Variants in CDC14A observed in about 807,000 individuals in gnomAD.
CDC14A encodes dual specificity protein phosphatase CDC14A.
A neutral mutation model predicts 74.4 loss-of-function variants in CDC14A; 53 were observed. The ratio of observed to expected loss-of-function variants is 0.71; its 90% CI spans 0.57 to 0.89. The LOEUF (loss-of-function observed/expected upper bound fraction) is 0.89, where lower values mean the gene tolerates loss of function less well. CDC14A is among the 40% of genes least tolerant of loss of function. The pLI is 0.00. For missense variants in CDC14A, 646 were observed against 713.7 expected (o/e 0.91, Z 1.08); for synonymous variants, 247 against 258.4 (o/e 0.96, Z 0.43).
intron 9 of CDC14A, among the ~76,000 whole-genome samples, chr1:100,464,608 A>C (rs1328483529): frequency 6.6e-6 from 1 of 152,040 alleles, no homozygotes; most frequent in Non-Finnish European, 1.5e-5. Flanking sequence ...TAAAAATTGT[A>C]TTTTTTCCTG....
In CDC14A at chr1:100,467,949, C is replaced by T; in HGVS notation, c.839-7C>T. On this transcript the variant is annotated splice_polypyrimidine_tract_variant and splice_region_variant and intron_variant, in intron 9 of 15. Transcript: ENST00000336454. ...TATATTTCTTATTCTGTTTCATTCTCTTACAGCTGGTCTTGGAAGAACAGG... is the reference window on the plus strand; with the variant it reads ...TATATTTCTTATTCTGTTTCATTCTTTTACAGCTGGTCTTGGAAGAACAGG... 1.3e-6 allele frequency: 2 copies of T among 1,582,778 alleles called. No homozygotes were observed. The highest frequency in any genetic ancestry group is 2.3e-5 in the South Asian group (2 of 85,342).
chr1:100,374,214 A>G (rs923400911), intron 2 of CDC14A, among the ~76,000 whole-genome samples: 2 of 152,174 alleles, frequency 1.3e-5, no homozygotes, highest in African/African-American at 4.8e-5. Context: ...ATTGTTGGAC[A>G]TTTGGGTTGG....
rs556185299 is a variant in CDC14A, at chr1:100,516,095, A to T, written c.1756-2156A>T. ...TGAGCCTAGATTAAACACCAGCCAG[A>T]GTTTTTGAGCTCTGTGGAAGTAAAG... On this transcript the variant is annotated intron_variant, in intron 15 of 15. Transcript: ENST00000336454. Among the ~76,000 whole-genome samples, 25 of 152,338 alleles carry T rather than the reference A, an allele frequency of 1.6e-4. 1 individual carries two copies. The highest frequency in any genetic ancestry group is 9.2e-4 in the Admixed American group (14 of 15,300).
Position 100,429,234 on chromosome 1 carries a change from T to TAAATAAATAAAA in CDC14A, c.389+4934_389+4935insAATAAATAAAAA, listed in dbSNP as rs60569646. On this transcript the variant is annotated intron_variant, in intron 5 of 15. Coordinates refer to ENST00000336454, the MANE Select transcript of CDC14A (RefSeq NM_003672.4). ...ATAAATAAATAAATAAATAAATAAA[T>TAAATAAATAAAA]ATAAAATAAAATGACATATACAATT... Among the ~76,000 whole-genome samples the TAAATAAATAAAA allele has an allele frequency of 6.1e-4, 90 of 146,498 alleles. 1 individual carries two copies. Among genetic ancestry groups the TAAATAAATAAAA allele is most frequent in the African/African-American group, 1.4e-3 (57 of 39,396 alleles).
chr1:100,465,569 G>A lies in CDC14A; in HGVS notation c.839-2387G>A, dbSNP rs573139431. Among the ~76,000 whole-genome samples the A allele has an allele frequency of 2.2e-4, 33 of 152,320 alleles. No homozygotes were observed. The South Asian group carries it at 4.8e-3, about 22-fold the overall frequency. On this transcript the variant is annotated intron_variant, in intron 9 of 15. Coordinates refer to ENST00000336454, the MANE Select transcript of CDC14A (RefSeq NM_003672.4). ...AGTCTTTTAATTGAACTAAAAGAAGGAAGGAGAAAGAATCTTATCCTATGT... is the reference window on the plus strand; with the variant it reads ...AGTCTTTTAATTGAACTAAAAGAAGAAAGGAGAAAGAATCTTATCCTATGT...
intron 5 of CDC14A, among the ~76,000 whole-genome samples, chr1:100,438,587 G>A (rs1664594787): frequency 6.6e-6 from 1 of 152,174 alleles, no homozygotes; most frequent in South Asian, 2.1e-4. Context: ...TGTGAGTTCA[G>A]ATGATATTTA....
At chr1:100,444,914 G>A (rs1665367144) in intron 7 of CDC14A, among the ~76,000 whole-genome samples, 1 of 151,848 alleles carries the variant, frequency 6.6e-6, no homozygotes, top group Admixed American at 6.6e-5. Flanking sequence ...TACATTTAAT[G>A]CAATTTATGA....
chr1:100,449,186 T>C lies in CDC14A; in HGVS notation c.519+6190T>C, dbSNP rs148039434. On this transcript the variant is annotated intron_variant, in intron 7 of 15. Transcript: ENST00000336454. ...TCACATTATTTTAGCCACATTACAA[T>C]GTAGCGCATCTGGGAACTGTTTGTG... is the stretch of plus-strand genomic sequence containing the variant. 2.8e-3 allele frequency among the ~76,000 whole-genome samples: 423 copies of C among 152,328 alleles called. 3 individuals carry two copies. Among genetic ancestry groups the C allele is most frequent in the African/African-American group, 9.8e-3 (409 of 41,564 alleles).
At chr1:100,465,830 T>C (rs1667748872) in intron 9 of CDC14A, among the ~76,000 whole-genome samples, 1 of 152,234 alleles carries the variant, frequency 6.6e-6, no homozygotes. Context: ...CGATGTTCTA[T>C]AGGGCTTTCA....
intron 2 of CDC14A, among the ~76,000 whole-genome samples, chr1:100,362,186 G>A (rs554567873): frequency 3.0e-4 from 45 of 152,316 alleles, no homozygotes; most frequent in Admixed American, 3.3e-4. Context: ...AATAGACCGT[G>A]TCTGTCCTGG....
intron 14 of CDC14A, 135 bp downstream of exon 14, chr1:100,498,342 T>C (rs1648177856): frequency 1.1e-6 from 1 of 948,178 alleles, no homozygotes; most frequent in Non-Finnish European, 1.6e-6. Flanking sequence ...CCCTGTGATG[T>C]TCTGGGGCTT....
At chr1:100,347,706 T>C (rs1221753646), upstream of CDC14A, among the ~76,000 whole-genome samples, 1 of 152,216 alleles carries the variant, frequency 6.6e-6, no homozygotes, top group African/African-American at 2.4e-5. Flanking sequence ...ATAATTCAAA[T>C]TACCTTGAAT....
chr1:100,348,282 A>C (rs904408238), upstream of CDC14A, among the ~76,000 whole-genome samples: 2 of 80,648 alleles, frequency 2.5e-5, no homozygotes, highest in African/African-American at 1.2e-4. Flanking sequence ...ACTCCATTTC[A>C]AAAAAAAAAA....
Position 100,440,206 on chromosome 1 carries a change from G to A in CDC14A, c.456+208G>A, listed in dbSNP as rs601077. Reference sequence around the variant, plus strand: ...GGAGTGGCAGGGGCCTTTCTTTGTCGTTTAAACTATTTGTGTTCCAGGGCA... The same window carrying A: ...GGAGTGGCAGGGGCCTTTCTTTGTCATTTAAACTATTTGTGTTCCAGGGCA... On this transcript the variant is annotated intron_variant, in intron 6 of 15. Coordinates refer to ENST00000336454, the MANE Select transcript of CDC14A (RefSeq NM_003672.4). Among the ~76,000 whole-genome samples the A allele has an allele frequency of 3.7e-3, 568 of 152,278 alleles. 4 individuals carry two copies. Among genetic ancestry groups the A allele is most frequent in the African/African-American group, 0.013 (542 of 41,562 alleles).
In CDC14A at chr1:100,508,759, G is replaced by C. The variant is rs184522735; in HGVS notation, c.1756-9492G>C. ...CCCTGATTTCAGGCCAGGGGCTTTC[G>C]ACCTATGTACCCACATGAATGGAAC... is the stretch of plus-strand genomic sequence containing the variant. On this transcript the variant is annotated intron_variant, in intron 15 of 15. Coordinates refer to ENST00000336454, the MANE Select transcript of CDC14A (RefSeq NM_003672.4). The surrounding 1 kb of genome is among the most constrained non-coding windows in gnomAD (Gnocchi z 4.4). Among the ~76,000 whole-genome samples, 2 of 152,226 alleles carry C rather than the reference G, an allele frequency of 1.3e-5. No homozygotes were observed. The highest frequency in any genetic ancestry group is 3.9e-4 in the East Asian group (2 of 5,176).
intron 7 of CDC14A, among the ~76,000 whole-genome samples, chr1:100,445,164 A>G (rs1018816028): frequency 6.6e-6 from 1 of 152,246 alleles, no homozygotes; most frequent in South Asian, 2.1e-4. Flanking sequence ...GAGAAAGGAT[A>G]TGGAAGAGTG....
At chr1:100,467,804 G>C (rs1453808272) in intron 9 of CDC14A, 152 bp from the exon 10 acceptor site, 2 of 669,468 alleles carry the variant, frequency 3.0e-6, no homozygotes, top group Non-Finnish European at 4.7e-6. Context: ...AAGAAAAATT[G>C]GGTTTTACAT....
At chr1:100,430,945 G>A (rs1211247650) in intron 5 of CDC14A, among the ~76,000 whole-genome samples, 1 of 152,018 alleles carries the variant, frequency 6.6e-6, no homozygotes, top group East Asian at 1.9e-4. Context: ...TTTGCTTTTG[G>A]TGCTTGGTAT....
At chr1:100,412,935 A>G (rs1361068835) in intron 4 of CDC14A, among the ~76,000 whole-genome samples, 2 of 150,490 alleles carry the variant, frequency 1.3e-5, no homozygotes, top group Non-Finnish European at 2.9e-5. Context: ...AGAACGATTA[A>G]TTCTGCAGCT....
Sources: gnomAD v4.1 joint callset for allele counts (sites outside exome capture counted in the v4.1 genomes callset) on GRCh38, gnomAD v4.1.1 for gene constraint, Gnocchi (gnomAD v3.1) non-coding constraint, MANE v1.5 for transcripts, NCBI Gene and HGNC (gene_info 2026-07-23, HGNC 2026-07-21) for gene names.